Variants in HSD17B6 observed in about 807,000 individuals in gnomAD.
HSD17B6 encodes the protein 17-beta-hydroxysteroid dehydrogenase type 6.
HSD17B6 carries 16 observed loss-of-function variants against 26.4 expected under a neutral mutation model. That is an observed-to-expected ratio of 0.61 (90% CI 0.41 to 0.92). HSD17B6 has a LOEUF of 0.92. Ranked by LOEUF, HSD17B6 falls within the 40% of genes least tolerant of loss-of-function variation. The pLI is 0.00. For missense variants in HSD17B6, 357 were observed against 386.1 expected, an observed-to-expected ratio of 0.92 and a Z score of 0.63; for synonymous variants, 139 against 153.0, an observed-to-expected ratio of 0.91 and a Z score of 0.68.
intron 2 of HSD17B6, among the ~76,000 whole-genome samples, chr12:56,780,064 A>T (rs1446911826): frequency 1.3e-5 from 2 of 152,198 alleles, no homozygotes; most frequent in African/African-American, 4.8e-5. Flanking sequence ...TGTCTTGATA[A>T]GTCAGTTGTT....
chr12:56,774,377 G>A (rs1436086406), intron 2 of HSD17B6, among the ~76,000 whole-genome samples: 17 of 152,084 alleles, frequency 1.1e-4, no homozygotes, highest in Non-Finnish European at 2.2e-4. Flanking sequence ...TCATGCCTGG[G>A]TTACATAAAA....
Position 56,774,081 on chromosome 12 carries a change from C to A in HSD17B6, c.229C>A (p.Leu77Met), listed in dbSNP as rs777031923. 1 of 1,613,646 alleles carries A rather than the reference C, an allele frequency of 6.2e-7. No individual in the cohort carries two copies. The highest frequency in any genetic ancestry group is 1.1e-5 in the South Asian group (1 of 90,990). ...EQLRGQTSDR[L>M]ETVTLDVTKM... Reference sequence around the variant, plus strand: ...GCTGAGGGGCCAGACGTCTGACAGGCTGGAGACGGTGACCCTGGATGTTAC... The same window carrying A: ...GCTGAGGGGCCAGACGTCTGACAGGATGGAGACGGTGACCCTGGATGTTAC... Residue 77 changes from leucine to methionine, a missense_variant, in exon 2 of 5, where the codon CTG (leucine) becomes ATG (methionine). Physicochemically the swap from Leu to Met is conservative, Grantham distance 15. Transcript: ENST00000322165.
intron 1 of HSD17B6, among the ~76,000 whole-genome samples, chr12:56,765,608 A>C (rs1047083010): frequency 1.9e-4 from 27 of 138,960 alleles, no homozygotes; most frequent in African/African-American, 3.5e-4. Context: ...AGTGATTCCC[A>C]CCCCCTCCCC....
At chr12:56,786,501 C>T (rs147457330) in intron 4 of HSD17B6, among the ~76,000 whole-genome samples, 40 of 152,276 alleles carry the variant, frequency 2.6e-4, no homozygotes, top group African/African-American at 9.4e-4. Context: ...CCACCCACCT[C>T]GGCCTCCCAA....
At chr12:56,770,804 A>AGG (rs1954454145) in intron 1 of HSD17B6, among the ~76,000 whole-genome samples, 1 of 152,158 alleles carries the variant, frequency 6.6e-6, no homozygotes, top group South Asian at 2.1e-4. Flanking sequence ...ACCATGGGGC[A>AGG]GGTTAAATCA....
At chr12:56,764,399 C>T (rs7980317) in intron 1 of HSD17B6, among the ~76,000 whole-genome samples, 88,698 of 152,012 alleles carry the variant, frequency 0.58, 26,894 homozygotes, top group South Asian at 0.74. Context: ...TTAAGGTGCA[C>T]GAGCATGGCC....
At position 56,783,594 on chromosome 12, in the gene HSD17B6, A is replaced by AC. The variant is rs1242840575; in HGVS notation, c.573-1252dup. Among the ~76,000 whole-genome samples, 105 of 108,182 alleles carry AC rather than the reference A, an allele frequency of 9.7e-4. 1 individual carries two copies. Among genetic ancestry groups the AC allele is most frequent in the African/African-American group, 3.3e-3 (92 of 27,692 alleles). 71.0% of individuals were successfully genotyped at this position (108,182 alleles called of 152,430 possible). ...AGGACGGCTGGCCGGGCGGGGGCTG[A>AC]CCCCCCCACCTCCCTCCCGGACGGA... On this transcript the variant is annotated intron_variant, in intron 3 of 4. Coordinates refer to ENST00000322165, the MANE Select transcript of HSD17B6 (RefSeq NM_003725.4).
Position 56,774,182 on chromosome 12 carries a change from C to G in HSD17B6, c.313+17C>G. 1 of 1,525,760 alleles carries G rather than the reference C, an allele frequency of 6.6e-7. No individual in the cohort carries two copies. Among genetic ancestry groups the G allele is most frequent in the Non-Finnish European group, 8.8e-7 (1 of 1,136,250 alleles). The allele number at this position is 1,525,760 out of a possible 1,614,324, so 94.5% of individuals were successfully genotyped here. A position where few individuals can be genotyped will look rare whatever the true frequency, so the allele number is the denominator to read the frequency against. ...GGGACAGAGGTATGAAATATTTTCT[C>G]CTTTTATTTACTTAGCATGAAGATG... is the stretch of plus-strand genomic sequence containing the variant. On this transcript the variant is annotated intron_variant, in intron 2 of 4. Transcript: ENST00000322165.
intron 1 of HSD17B6, among the ~76,000 whole-genome samples, chr12:56,771,037 A>C (rs545781081): frequency 6.6e-6 from 1 of 152,204 alleles, no homozygotes; most frequent in South Asian, 2.1e-4. Flanking sequence ...CCTCTTGGGC[A>C]CTGGTCAGCC....
At chr12:56,774,199 A>T (rs781678523) in intron 2 of HSD17B6, 34 bp downstream of exon 2, 4 of 1,518,216 alleles carry the variant, frequency 2.6e-6, no homozygotes, top group Non-Finnish European at 3.5e-6. Flanking sequence ...TTTACTTAGC[A>T]TGAAGATGCT....
At chr12:56,767,859 G>A (rs1025002021) in intron 1 of HSD17B6, among the ~76,000 whole-genome samples, 1 of 147,336 alleles carries the variant, frequency 6.8e-6, no homozygotes, top group African/African-American at 2.5e-5. Flanking sequence ...ATATGTGTGT[G>A]TATACGTGTA....
In HSD17B6 at chr12:56,772,452, T is replaced by G. The variant is rs564109488; in HGVS notation, c.-19-1382T>G. Among the ~76,000 whole-genome samples, 221 of 152,230 alleles carry G rather than the reference T, an allele frequency of 1.5e-3. 2 individuals are homozygous for G. Among genetic ancestry groups the G allele is most frequent in the African/African-American group, 5.2e-3 (216 of 41,544 alleles). ...GCTCATGCCTGTAATCCCAGCATTT[T>G]GGGAGGCCAAGGTGGGTGGATCACC... On this transcript the variant is annotated intron_variant, in intron 1 of 4. Coordinates refer to ENST00000322165, the MANE Select transcript of HSD17B6 (RefSeq NM_003725.4).
intron 3 of HSD17B6, among the ~76,000 whole-genome samples, chr12:56,783,275 C>G (rs1003475848): frequency 1.3e-5 from 2 of 149,426 alleles, no homozygotes; most frequent in African/African-American, 4.9e-5. Context: ...GGCTGACCCC[C>G]CCACCTCCCT....
rs1954728749 is a variant in HSD17B6 at position 56,782,098 on chromosome 12, G to A, written c.438G>A (p.Leu146=). ...TCATTGGTGTGATCCAGGTGACCTT[G>A]AGCATGCTTCCTTTGGTGAGGAGAG... ...VNLIGVIQVT[L]SMLPLVRRAR... The change falls in exon 3 of 5, where the codon TTG becomes TTA. Residue 146 remains leucine, a synonymous_variant. Transcript: ENST00000322165. 1 of 1,614,194 alleles carries A rather than the reference G, an allele frequency of 6.2e-7. No individual in the cohort carries two copies. Among genetic ancestry groups the A allele is most frequent in the South Asian group, 1.1e-5 (1 of 91,080 alleles).
rs772587577 is a variant in HSD17B6 at position 56,773,974 on chromosome 12, T to A, written c.122T>A (p.Phe41Tyr). 1.2e-6 allele frequency: 2 copies of A among 1,614,094 alleles called. No individual in the cohort carries two copies. Among genetic ancestry groups the A allele is most frequent in the Admixed American group, 3.3e-5 (2 of 60,014 alleles). ...TTTATCACGGGCTGTGACTCGGGCT[T>A]TGGGAACCTGCTGGCCAGACAGCTG... The part of the protein sequence containing the change: ...YVFITGCDSG[F>Y]GNLLARQLDA... Residue 41 changes from phenylalanine to tyrosine, a missense_variant, in exon 2 of 5, where the codon TTT (phenylalanine) becomes TAT (tyrosine). Physicochemically the swap from Phe to Tyr is conservative, Grantham distance 22 (BLOSUM62 3). Coordinates refer to ENST00000322165, the MANE Select transcript of HSD17B6 (RefSeq NM_003725.4).
chr12:56,772,014 C>T (rs1048539011), intron 1 of HSD17B6, among the ~76,000 whole-genome samples: 1 of 152,062 alleles, frequency 6.6e-6, no homozygotes, highest in African/African-American at 2.4e-5. Context: ...TGTAATTTTC[C>T]TGAGACCTCC....
At chr12:56,769,431 G>A (rs2137899824) in intron 1 of HSD17B6, among the ~76,000 whole-genome samples, 1 of 152,248 alleles carries the variant, frequency 6.6e-6, no homozygotes, top group African/African-American at 2.4e-5. Context: ...TGGGAGAGTA[G>A]CTTCAAGCAA....
rs140877178 is a variant in HSD17B6, at chr12:56,763,899, C to T, written c.-20+485C>T. Among the ~76,000 whole-genome samples the T allele has an allele frequency of 3.8e-3, 577 of 151,294 alleles. 5 individuals are homozygous for T. Among genetic ancestry groups the T allele is most frequent in the African/African-American group, 0.013 (523 of 41,268 alleles). On this transcript the variant is annotated intron_variant, in intron 1 of 4. Transcript: ENST00000322165. ...CCTGGGCAACATGATGAAACCCTGTCTCTACAAAAAATACAAAAAATTAGC... is the reference window on the plus strand; with the variant it reads ...CCTGGGCAACATGATGAAACCCTGTTTCTACAAAAAATACAAAAAATTAGC...
At chr12:56,777,197 G>A (rs763033638) in intron 2 of HSD17B6, among the ~76,000 whole-genome samples, 67 of 152,086 alleles carry the variant, frequency 4.4e-4, no homozygotes, top group Non-Finnish European at 7.6e-4. Flanking sequence ...AGTGGGCTAC[G>A]ATAGCACTTG....
Sources: allele counts gnomAD v4.1 joint callset (sites outside exome capture counted in the v4.1 genomes callset), GRCh38; gene constraint gnomAD v4.1.1; transcripts MANE v1.5; gene names NCBI Gene and HGNC (gene_info 2026-07-23, HGNC 2026-07-21).